The following C8orf34 variants were observed in gnomAD, a reference collection of about 807,000 sequenced individuals.
C8orf34 encodes chromosome 8 open reading frame 34.
In C8orf34, 65 loss-of-function variants were observed where a neutral mutation model predicts 68.3. The observed-to-expected ratio is 0.95, with a 90% CI of 0.78 to 1.17. C8orf34 has a LOEUF of 1.17. C8orf34 is among the 50% of genes most tolerant of loss of function. The pLI is 0.00. For synonymous variants in C8orf34, 244 were observed against 241.2 expected (o/e 1.01, Z -0.11); for missense variants, 664 against 655.4 (o/e 1.01, Z -0.14).
At chr8:68,403,765 T>C (rs1456675992) in intron 1 of C8orf34, among the ~76,000 whole-genome samples, 2 of 152,224 alleles carry the variant, frequency 1.3e-5, no homozygotes, top group African/African-American at 2.4e-5. Context: ...TGCCACATTT[T>C]CTTTATCCCA....
chr8:68,544,813 C>T (rs1815818567), intron 7 of C8orf34, among the ~76,000 whole-genome samples: 1 of 151,724 alleles, frequency 6.6e-6, no homozygotes, highest in African/African-American at 2.4e-5. Flanking sequence ...AAAAAATCAG[C>T]AAATTTGAAG....
At chr8:68,782,597 T>A (rs1352707553) in intron 11 of C8orf34, among the ~76,000 whole-genome samples, 1 of 152,156 alleles carries the variant, frequency 6.6e-6, no homozygotes, top group Non-Finnish European at 1.5e-5. Context: ...TTAGCATGCC[T>A]TGGATTCACC....
At chr8:68,764,894 A>G (rs1415733743) in intron 10 of C8orf34, among the ~76,000 whole-genome samples, 1 of 152,212 alleles carries the variant, frequency 6.6e-6, no homozygotes, top group Non-Finnish European at 1.5e-5. Context: ...TTGTATATGA[A>G]GCCATTTGAT....
chr8:68,749,840 T>C (rs1021479226), intron 10 of C8orf34, among the ~76,000 whole-genome samples: 2 of 152,200 alleles, frequency 1.3e-5, no homozygotes, highest in Admixed American at 1.3e-4. Context: ...TACTCCCTGT[T>C]TGGATTCACT....
chr8:68,808,955 C>A (rs1457093953), intron 12 of C8orf34, among the ~76,000 whole-genome samples: 3 of 151,932 alleles, frequency 2.0e-5, no homozygotes, highest in Non-Finnish European at 4.4e-5. Flanking sequence ...TAATGATTCA[C>A]CCTTTTTTGT....
intron 6 of C8orf34, among the ~76,000 whole-genome samples, chr8:68,522,288 GC>G (rs1263179192): frequency 6.6e-6 from 1 of 152,094 alleles, no homozygotes; most frequent in African/African-American, 2.4e-5. Context: ...AGAGTGGCTG[GC>G]TGTTAAGAAT....
rs75691940 is a variant in C8orf34 at position 68,750,307 on chromosome 8, G to A, written c.1405-26092G>A. Among the ~76,000 whole-genome samples the A allele has an allele frequency of 4.9e-3, 750 of 152,214 alleles. 5 individuals carry two copies. The highest frequency in any genetic ancestry group is 0.017 in the African/African-American group (710 of 41,534). On this transcript the variant is annotated intron_variant, in intron 10 of 13. Transcript: ENST00000518698. ...AGAGTTCTATTGCATGCTGCAACATGGAAGAACATTGAAAACATTACACTA... is the reference window on the plus strand; with the variant it reads ...AGAGTTCTATTGCATGCTGCAACATAGAAGAACATTGAAAACATTACACTA...
At chr8:68,604,303 GTTTTTTTT>G (rs11313390) in intron 7 of C8orf34, among the ~76,000 whole-genome samples, 24 of 148,720 alleles carry the variant, frequency 1.6e-4, no homozygotes, top group Non-Finnish European at 3.0e-4. Flanking sequence ...ACATTGAGTT[GTTTTTTTT>G]TTAAGCCAAA....
intron 1 of C8orf34, among the ~76,000 whole-genome samples, chr8:68,359,156 C>A (rs1806877256): frequency 6.6e-6 from 1 of 151,986 alleles, no homozygotes; most frequent in Non-Finnish European, 1.5e-5. Flanking sequence ...ATTATATGCA[C>A]AATATTATTA....
At chr8:68,423,255 A>T (rs1810062937) in intron 1 of C8orf34, among the ~76,000 whole-genome samples, 2 of 152,140 alleles carry the variant, frequency 1.3e-5, no homozygotes, top group South Asian at 4.1e-4. Flanking sequence ...TTCCTCTTGA[A>T]TGCTTTGCTG....
intron 7 of C8orf34, chr8:68,533,653 A>T: frequency 1.0e-6 from 1 of 981,296 alleles, no homozygotes; most frequent in East Asian, 1.1e-4. Context: ...CAGAGATTTC[A>T]AAGTTTCTTC....
chr8:68,584,113 A>G (rs2130371907), intron 7 of C8orf34, among the ~76,000 whole-genome samples: 1 of 152,220 alleles, frequency 6.6e-6, no homozygotes, highest in South Asian at 2.1e-4. Flanking sequence ...GGATGCATTA[A>G]TTCTCTTTAT....
chr8:68,488,892 A>G (rs996986103), intron 5 of C8orf34, among the ~76,000 whole-genome samples: 12 of 152,186 alleles, frequency 7.9e-5, no homozygotes, highest in Non-Finnish European at 1.5e-4. Flanking sequence ...GTCTTGATTT[A>G]TAAAGATTAT....
chr8:68,800,283 A>T (rs1485845463), intron 12 of C8orf34, among the ~76,000 whole-genome samples: 1 of 152,174 alleles, frequency 6.6e-6, no homozygotes, highest in Non-Finnish European at 1.5e-5. Flanking sequence ...TGGGTTCTAA[A>T]CTACCTCTGC....
In C8orf34 at chr8:68,493,698, C is replaced by A. The variant is rs78675186; in HGVS notation, c.765+5647C>A. ...ATTAAGAAGCAGGGTCTTTAGGAGG[C>A]GATTAGGCCATGAGGGATCCACCCT... On this transcript the variant is annotated intron_variant, in intron 5 of 13. Coordinates refer to ENST00000518698, the MANE Select transcript of C8orf34 (RefSeq NM_052958.4). Among the ~76,000 whole-genome samples, 9 of 152,156 alleles carry A rather than the reference C, an allele frequency of 5.9e-5. No individual in the cohort carries two copies. The East Asian group carries it at 1.7e-3, about 30-fold the overall frequency.
rs146443567 is a variant in C8orf34, at chr8:68,654,950, G to A, written c.1241+14439G>A. ...CTTTTGAAAGATAATGGGGAAATGCGTCAGCTATAATACCTTTAGTGCATA... is the reference window on the plus strand; with the variant it reads ...CTTTTGAAAGATAATGGGGAAATGCATCAGCTATAATACCTTTAGTGCATA... On this transcript the variant is annotated intron_variant, in intron 8 of 13. Transcript: ENST00000518698. Among the ~76,000 whole-genome samples the A allele has an allele frequency of 7.4e-3, 1,124 of 152,216 alleles. 6 individuals are homozygous for A. The highest frequency in any genetic ancestry group is 0.013 in the Non-Finnish European group (876 of 67,988).
chr8:68,368,988 T>A (rs1016219026), intron 1 of C8orf34, among the ~76,000 whole-genome samples: 2 of 152,204 alleles, frequency 1.3e-5, no homozygotes, highest in African/African-American at 4.8e-5. Flanking sequence ...GAGCATTATC[T>A]TCACCTTTCT....
chr8:68,684,948 A>G (rs1490536820), intron 8 of C8orf34, among the ~76,000 whole-genome samples: 2 of 152,198 alleles, frequency 1.3e-5, no homozygotes, highest in African/African-American at 2.4e-5. Flanking sequence ...TAGAATAATT[A>G]GTTTTGGTTT....
At chr8:68,660,194 C>G (rs898883994) in intron 8 of C8orf34, among the ~76,000 whole-genome samples, 6 of 151,916 alleles carry the variant, frequency 3.9e-5, no homozygotes, top group African/African-American at 1.5e-4. Flanking sequence ...CAAAGGAATC[C>G]CAGTGATTCA....
Sources: gnomAD v4.1 joint callset for allele counts (sites outside exome capture counted in the v4.1 genomes callset) on GRCh38, gnomAD v4.1.1 for gene constraint, MANE v1.5 for transcripts, NCBI Gene and HGNC (gene_info 2026-07-23, HGNC 2026-07-21) for gene names.